Variants in LGSN observed in about 807,000 individuals in gnomAD.
LGSN encodes lengsin, lens protein with glutamine synthetase domain, also known as lengsin.
In LGSN, 21 loss-of-function variants were observed where a neutral mutation model predicts 19.5. The ratio of observed to expected loss-of-function variants is 1.07; its 90% CI spans 0.76 to 1.55. The LOEUF (loss-of-function observed/expected upper bound fraction) is 1.55, where lower values mean the gene tolerates loss of function less well. Ranked by LOEUF, LGSN falls within the 40% of genes most tolerant of loss-of-function variation. The probability of loss-of-function intolerance (pLI) is 0.00; values close to 1 mark genes in which losing one functional copy is unlikely to be tolerated. For missense variants in LGSN, 673 were observed against 608.5 expected (o/e 1.11, Z -1.12); for synonymous variants, 257 against 215.6 (o/e 1.19, Z -1.68).
At chr6:63,423,558 A>C in the LGSN span, among the ~76,000 whole-genome samples, 1 of 149,534 alleles carries the variant, frequency 6.7e-6, no homozygotes, top group Non-Finnish European at 1.5e-5. Context: ...CCAGAGGCAG[A>C]GGTTGCAGTC....
At chr6:63,512,799 TACA>T in the LGSN span, among the ~76,000 whole-genome samples, 124 of 152,286 alleles carry the variant, frequency 8.1e-4, no homozygotes, top group East Asian at 0.02. Flanking sequence ...GTAAAATAAA[TACA>T]ACAACTTTAC....
the LGSN span, among the ~76,000 whole-genome samples, chr6:63,477,583 G>A: frequency 6.7e-6 from 1 of 149,228 alleles, no homozygotes; most frequent in Non-Finnish European, 1.5e-5. Context: ...CCTAGTCTAC[G>A]AAGCTTCAAA....
the LGSN span, among the ~76,000 whole-genome samples, chr6:63,404,392 A>C: frequency 1.3e-5 from 2 of 152,136 alleles, no homozygotes; most frequent in Admixed American, 1.3e-4. Context: ...AAAATCCAGA[A>C]CTAATATGTA....
At chr6:63,329,391 G>T in the LGSN span, among the ~76,000 whole-genome samples, 1 of 152,178 alleles carries the variant, frequency 6.6e-6, no homozygotes, top group African/African-American at 2.4e-5. Flanking sequence ...TAGGGGTTGG[G>T]TACAACTGGA....
the LGSN span, among the ~76,000 whole-genome samples, chr6:63,422,758 G>A: frequency 6.6e-6 from 1 of 151,960 alleles, no homozygotes; most frequent in Non-Finnish European, 1.5e-5. Context: ...TCTAAAAATT[G>A]TTCAAGTAAC....
chr6:63,335,763 TA>T, the LGSN span, among the ~76,000 whole-genome samples: 4,006 of 150,352 alleles, frequency 0.027, 179 homozygotes, highest in African/African-American at 0.093. Flanking sequence ...GGAAGTTTCT[TA>T]AAAAAAAAAT....
the LGSN span, among the ~76,000 whole-genome samples, chr6:63,429,745 A>G: frequency 6.6e-6 from 1 of 152,024 alleles, no homozygotes; most frequent in South Asian, 2.1e-4. Context: ...CAAAAAAAAA[A>G]AAAAAAAGTC....
chr6:63,442,495 G>A, the LGSN span, among the ~76,000 whole-genome samples: 1 of 152,140 alleles, frequency 6.6e-6, no homozygotes, highest in Non-Finnish European at 1.5e-5. Context: ...GACACAGAGT[G>A]CTGATTGGTA....
chr6:63,404,811 T>C, the LGSN span, among the ~76,000 whole-genome samples: 1 of 152,094 alleles, frequency 6.6e-6, no homozygotes, highest in South Asian at 2.1e-4. Flanking sequence ...TTTTTTATTT[T>C]ATTATTATTA....
At chr6:63,469,713 G>T in the LGSN span, among the ~76,000 whole-genome samples, 1 of 152,176 alleles carries the variant, frequency 6.6e-6, no homozygotes, top group South Asian at 2.1e-4. Context: ...AATTTAAGTT[G>T]CATTTATTGT....
the LGSN span, among the ~76,000 whole-genome samples, chr6:63,342,775 C>T: frequency 3.0e-3 from 450 of 152,320 alleles, 4 homozygotes; most frequent in African/African-American, 0.01. Context: ...GAACCATGCA[C>T]TGAAACTCAG....
the LGSN span, among the ~76,000 whole-genome samples, chr6:63,517,818 T>A: frequency 6.6e-6 from 1 of 152,136 alleles, no homozygotes; most frequent in Non-Finnish European, 1.5e-5. Context: ...ATGTCTCTAC[T>A]AGCGCAACCC....
the LGSN span, among the ~76,000 whole-genome samples, chr6:63,543,702 A>G: frequency 6.6e-6 from 1 of 152,142 alleles, no homozygotes; most frequent in Non-Finnish European, 1.5e-5. Flanking sequence ...ATAAACCCTA[A>G]TCTTTACTGA....
chr6:63,304,418 T>G (rs1214898298), intron 1 of LGSN, among the ~76,000 whole-genome samples: 1 of 152,208 alleles, frequency 6.6e-6, no homozygotes, highest in African/African-American at 2.4e-5. Flanking sequence ...ATTCTCTTGC[T>G]AAAGTTGTGC....
the LGSN span, among the ~76,000 whole-genome samples, chr6:63,398,790 G>T: frequency 2.0e-5 from 3 of 152,198 alleles, no homozygotes; most frequent in South Asian, 4.1e-4. Context: ...TTGCAGTTTT[G>T]CAAGCTCCAT....
chr6:63,381,994 T>C, the LGSN span, among the ~76,000 whole-genome samples: 1,035 of 152,326 alleles, frequency 6.8e-3, 6 homozygotes, highest in African/African-American at 0.023. Context: ...ACACTCATGC[T>C]GAACCTACTA....
chr6:63,434,604 CAAAAAAAAA>C, the LGSN span, among the ~76,000 whole-genome samples: 8 of 62,902 alleles, frequency 1.3e-4, no homozygotes, highest in African/African-American at 3.1e-4. Flanking sequence ...ACTAAAAATT[CAAAAAAAAA>C]AAAAAAAAAA....
At chr6:63,554,504 T>C in the LGSN span, among the ~76,000 whole-genome samples, 3 of 152,110 alleles carry the variant, frequency 2.0e-5, no homozygotes, top group Non-Finnish European at 4.4e-5. Context: ...GGAACACCTA[T>C]TACATAATTT....
At chr6:63,332,639 G>A in the LGSN span, among the ~76,000 whole-genome samples, 9 of 152,276 alleles carry the variant, frequency 5.9e-5, no homozygotes, top group Non-Finnish European at 8.8e-5. Context: ...CAGCGGCCGC[G>A]CTAGTCGCTT....
Sources: allele counts gnomAD v4.1 joint callset (sites outside exome capture counted in the v4.1 genomes callset), GRCh38; gene constraint gnomAD v4.1.1; transcripts MANE v1.5; gene names NCBI Gene and HGNC (gene_info 2026-07-23, HGNC 2026-07-21).